Variants in STOML3 observed in about 807,000 individuals in gnomAD.
STOML3 encodes the protein stomatin-like protein 3.
In STOML3, 31 loss-of-function variants were observed where a neutral mutation model predicts 29.5. The observed-to-expected ratio is 1.05, with a 90% CI of 0.79 to 1.42. The LOEUF (loss-of-function observed/expected upper bound fraction) is 1.42, where lower values mean the gene tolerates loss of function less well. STOML3 is among the 40% of genes most tolerant of loss of function. STOML3 has a pLI of 0.00. For missense variants in STOML3, 380 were observed against 363.0 expected, an observed-to-expected ratio of 1.05 and a Z score of -0.38; for synonymous variants, 122 against 139.8, an observed-to-expected ratio of 0.87 and a Z score of 0.90.
chr13:38,990,809 G>T lies in STOML3; in HGVS notation c.-88C>A. ...ACAGGCAGCAACTCAGATGTGCTTG[G>T]GAGAGGGGAGAGGAGAAAGTATGAG... On this transcript the variant is annotated 5_prime_UTR_variant, in exon 1 of 7. Transcript: ENST00000379631. 1 of 1,164,486 alleles carries T rather than the reference G, an allele frequency of 8.6e-7. No homozygotes were observed. The highest frequency in any genetic ancestry group is 1.8e-5 in the Admixed American group (1 of 56,148). 72.1% of individuals were successfully genotyped at this position (1,164,486 alleles called of 1,614,324 possible).
intron 1 of STOML3, among the ~76,000 whole-genome samples, chr13:38,979,434 G>C (rs569386692): frequency 6.6e-6 from 1 of 151,852 alleles, no homozygotes; most frequent in Non-Finnish European, 1.5e-5. Flanking sequence ...TGTAGTTACC[G>C]GTTTGGTGTG....
In STOML3 at chr13:38,988,245, ATATAT is replaced by A. The variant is rs1320144883; in HGVS notation, c.52+2420_52+2424del. Among the ~76,000 whole-genome samples, 4 of 88,638 alleles carry A rather than the reference ATATAT, an allele frequency of 4.5e-5. 2 individuals are homozygous for A. Among genetic ancestry groups the A allele is most frequent in the South Asian group, 8.2e-4 (2 of 2,448 alleles). The allele number at this position is 88,638 out of a possible 152,430, so 58.1% of individuals were successfully genotyped here. On this transcript the variant is annotated intron_variant, in intron 1 of 6. Coordinates refer to ENST00000379631, the MANE Select transcript of STOML3 (RefSeq NM_145286.3). ...TTTTATATCATATATTTTATATATA[ATATAT>A]TATATTTTATATCATATATTATATA... is the stretch of plus-strand genomic sequence containing the variant.
At chr13:38,978,356 G>T (rs1881164521) in intron 1 of STOML3, among the ~76,000 whole-genome samples, 2 of 151,970 alleles carry the variant, frequency 1.3e-5, no homozygotes, top group East Asian at 3.9e-4. Flanking sequence ...GTTTCGCCAT[G>T]TTGGCCAGGC....
chr13:38,988,347 T>A, intron 1 of STOML3, among the ~76,000 whole-genome samples: 2 of 82,964 alleles, frequency 2.4e-5, no homozygotes, highest in African/African-American at 1.5e-4. Flanking sequence ...TATATTATAT[T>A]TTATATCATA....
intron 5 of STOML3, among the ~76,000 whole-genome samples, chr13:38,969,454 A>G (rs1880780836): frequency 1.3e-5 from 2 of 152,188 alleles, no homozygotes. Flanking sequence ...GGGCACATAT[A>G]AACAATATGG....
chr13:38,984,686 T>C (rs188849539), intron 1 of STOML3, among the ~76,000 whole-genome samples: 1 of 152,322 alleles, frequency 6.6e-6, no homozygotes, highest in East Asian at 1.9e-4. Flanking sequence ...AGGTACACTC[T>C]ATGATGTTCT....
intron 4 of STOML3, 54 bp downstream of exon 4, chr13:38,972,458 T>C (rs1376621134): frequency 4.5e-6 from 7 of 1,541,740 alleles, no homozygotes; most frequent in Non-Finnish European, 6.3e-6. Context: ...ATTGTCCTTA[T>C]AATAGAGAAA....
chr13:38,966,997 G>A lies in STOML3; in HGVS notation c.704C>T (p.Ser235Phe), dbSNP rs374600057. 5 of 1,613,956 alleles carry A rather than the reference G, an allele frequency of 3.1e-6. No individual in the cohort carries two copies. The African/African-American group carries it at 5.3e-5, about 17-fold the overall frequency. The change falls in exon 7 of 7, where the codon TCC becomes TTC. Residue 235 changes from serine (S) to phenylalanine (F), a missense_variant. Transcript: ENST00000379631. Reference protein sequence around the residue: ...MNASKSLKSASMVLAESPIAL... With the variant: ...MNASKSLKSAFMVLAESPIAL... ...TATGGGAGACTCAGCCAGCACCATG[G>A]AGGCTGACTTCAGGGATTTGGAAGC...
At chr13:38,986,090 G>A (rs189339705) in intron 1 of STOML3, among the ~76,000 whole-genome samples, 2 of 116,870 alleles carry the variant, frequency 1.7e-5, no homozygotes, top group Admixed American at 1.2e-4. Context: ...GTCTCACTCT[G>A]TTGCCCCTGG....
intron 3 of STOML3, 118 bp from the exon 4 acceptor site, chr13:38,972,712 A>G (rs1169657972): frequency 2.5e-6 from 2 of 804,558 alleles, no homozygotes; most frequent in South Asian, 3.4e-5. Context: ...ATGATCCTCA[A>G]TATGCACACA....
chr13:38,966,803 A>T lies in STOML3; in HGVS notation c.*22T>A. The stretch of plus-strand genomic sequence containing the variant: ...GAATAGACACCACTCTCTATGCAAT[A>T]GCTGACTACCGCAAGAGGACCTCAG... On this transcript the variant is annotated 3_prime_UTR_variant, in exon 7 of 7. Coordinates refer to ENST00000379631, the MANE Select transcript of STOML3 (RefSeq NM_145286.3). 1.9e-6 allele frequency: 3 copies of T among 1,601,460 alleles called. No individual in the cohort carries two copies. The highest frequency in any genetic ancestry group is 2.6e-6 in the Non-Finnish European group (3 of 1,170,286).
chr13:38,969,317 T>C (rs747062497), intron 5 of STOML3, among the ~76,000 whole-genome samples: 6 of 151,980 alleles, frequency 3.9e-5, no homozygotes, highest in Non-Finnish European at 7.4e-5. Flanking sequence ...CCTAAAGAGG[T>C]GGGGGCAGTG....
chr13:38,978,997 A>T (rs1206358989), intron 1 of STOML3, among the ~76,000 whole-genome samples: 2 of 152,182 alleles, frequency 1.3e-5, no homozygotes, highest in Non-Finnish European at 2.9e-5. Context: ...TTATTCCCAC[A>T]TGTCCTTTTC....
At chr13:38,987,671 T>A (rs929614016) in intron 1 of STOML3, among the ~76,000 whole-genome samples, 10 of 139,142 alleles carry the variant, frequency 7.2e-5, no homozygotes, top group African/African-American at 1.9e-4. Context: ...TTAAGATTTT[T>A]AATATATATT....
chr13:38,987,127 T>C (rs944192042), intron 1 of STOML3, among the ~76,000 whole-genome samples: 2 of 152,172 alleles, frequency 1.3e-5, no homozygotes, highest in African/African-American at 4.8e-5. Flanking sequence ...ATTTATACCA[T>C]TTCCACTGTG....
chr13:38,978,721 A>G (rs1216503808), intron 1 of STOML3, among the ~76,000 whole-genome samples: 1 of 152,162 alleles, frequency 6.6e-6, no homozygotes, highest in Non-Finnish European at 1.5e-5. Context: ...CCTAAATGAT[A>G]CTACCTCAAA....
chr13:38,981,461 G>A (rs969200280), intron 1 of STOML3, among the ~76,000 whole-genome samples: 1 of 152,120 alleles, frequency 6.6e-6, no homozygotes, highest in African/African-American at 2.4e-5. Flanking sequence ...AATTATATTA[G>A]AAACAGAAAT....
chr13:38,977,074 G>C (rs1281230070), intron 1 of STOML3, among the ~76,000 whole-genome samples: 1 of 152,178 alleles, frequency 6.6e-6, no homozygotes, highest in East Asian at 1.9e-4. Context: ...GGGCTGCCAT[G>C]GTTTATTATT....
At chr13:38,983,898 A>T (rs1232751732) in intron 1 of STOML3, among the ~76,000 whole-genome samples, 1 of 152,218 alleles carries the variant, frequency 6.6e-6, no homozygotes, top group Non-Finnish European at 1.5e-5. Context: ...GAAAGTGAAC[A>T]TTCAAAAAGG....
Sources: allele counts gnomAD v4.1 joint callset (sites outside exome capture counted in the v4.1 genomes callset), GRCh38; gene constraint gnomAD v4.1.1; transcripts MANE v1.5; gene names NCBI Gene and HGNC (gene_info 2026-07-23, HGNC 2026-07-21).